THSD4: variants seen among roughly 807,000 people sequenced by gnomAD.
The protein encoded by THSD4 is thrombospondin type 1 domain containing 4.
In THSD4, 69 loss-of-function variants were observed where a neutral mutation model predicts 119.0. That is an observed-to-expected ratio of 0.58 (90% confidence interval 0.48 to 0.71). THSD4 has a LOEUF of 0.71. THSD4 is among the 30% of genes least tolerant of loss of function. THSD4 has a pLI of 0.00. For synonymous variants in THSD4, 524 were observed against 540.4 expected (o/e 0.97, Z 0.42); for missense variants, 1,393 against 1,391.1 (o/e 1.00, Z -0.02).
At chr15:71,537,461 C>T (rs2048702352) in intron 7 of THSD4, among the ~76,000 whole-genome samples, 2 of 152,186 alleles carry the variant, frequency 1.3e-5, no homozygotes, top group Admixed American at 6.5e-5. Flanking sequence ...TACCCCCTTC[C>T]TCTCAAGTCA....
intron 8 of THSD4, among the ~76,000 whole-genome samples, chr15:71,696,805 A>G (rs1009989117): frequency 6.6e-6 from 1 of 152,208 alleles, no homozygotes; most frequent in African/African-American, 2.4e-5. Context: ...CAGGGCTTTG[A>G]GGCAGGCAGA....
chr15:71,372,343 G>A (rs2046064607), intron 6 of THSD4, among the ~76,000 whole-genome samples: 1 of 152,202 alleles, frequency 6.6e-6, no homozygotes, highest in Admixed American at 6.5e-5. Context: ...CCTTTGGAGG[G>A]GGAGAGGCAC....
intron 6 of THSD4, among the ~76,000 whole-genome samples, chr15:71,350,920 CT>C (rs1259380227): frequency 2.0e-5 from 3 of 152,178 alleles, no homozygotes; most frequent in Non-Finnish European, 2.9e-5. Context: ...GTTTTATTAC[CT>C]TTAAGCTGAC....
At chr15:71,181,871 C>A (rs2043532848) in intron 3 of THSD4, among the ~76,000 whole-genome samples, 2 of 152,178 alleles carry the variant, frequency 1.3e-5, no homozygotes, top group African/African-American at 4.8e-5. Flanking sequence ...CCCTCCATCT[C>A]TAGATTGTGA....
intron 8 of THSD4, among the ~76,000 whole-genome samples, chr15:71,711,031 C>A (rs932203163): frequency 1.3e-5 from 2 of 150,566 alleles, no homozygotes; most frequent in African/African-American, 4.9e-5. Flanking sequence ...AAAGTCATAT[C>A]CTCTTAAGTT....
At chr15:71,727,553 AATATATATATATATAT>A (rs869196877) in intron 8 of THSD4, among the ~76,000 whole-genome samples, 2 of 122,830 alleles carry the variant, frequency 1.6e-5, no homozygotes, top group African/African-American at 7.7e-5. Flanking sequence ...AAAAAAAAAA[AATATATATATATATAT>A]ATATATATAT....
intron 6 of THSD4, among the ~76,000 whole-genome samples, chr15:71,346,846 T>A (rs977791037): frequency 2.7e-5 from 4 of 149,366 alleles, no homozygotes; most frequent in Non-Finnish European, 5.9e-5. Context: ...CCGAATAACA[T>A]CATAAGTTTC....
At chr15:71,167,411 T>G (rs2043303925) in intron 3 of THSD4, among the ~76,000 whole-genome samples, 1 of 152,218 alleles carries the variant, frequency 6.6e-6, no homozygotes. Flanking sequence ...GTGAGCTAGA[T>G]TTGGCCCATG....
intron 7 of THSD4, among the ~76,000 whole-genome samples, chr15:71,532,263 T>TGA (rs112859786): frequency 0.1 from 7,178 of 71,656 alleles, 560 homozygotes; most frequent in African/African-American, 0.14. Context: ...CAACAAAGGG[T>TGA]GAGAGAGAGA....
At chr15:71,654,271 C>G (rs992970579) in intron 7 of THSD4, among the ~76,000 whole-genome samples, 2 of 152,332 alleles carry the variant, frequency 1.3e-5, no homozygotes, top group Non-Finnish European at 2.9e-5. Context: ...CTGCCTACCA[C>G]TGAATTGGCA....
At chr15:71,172,698 T>TATATGTGAC in intron 3 of THSD4, among the ~76,000 whole-genome samples, 1 of 96,360 alleles carries the variant, frequency 1.0e-5, no homozygotes, top group Admixed American at 9.1e-5. Context: ...TATATATATA[T>TATATGTGAC]ATATATATAT....
chr15:71,423,656 G>A (rs1486548319), intron 7 of THSD4, among the ~76,000 whole-genome samples: 1 of 152,180 alleles, frequency 6.6e-6, no homozygotes, highest in Non-Finnish European at 1.5e-5. Flanking sequence ...GAGGCGGAGT[G>A]TAAACACTCC....
chr15:71,114,429 T>C (rs560937376), upstream of THSD4, among the ~76,000 whole-genome samples: 13 of 152,318 alleles, frequency 8.5e-5, no homozygotes, highest in South Asian at 2.1e-3. Context: ...ACAGGCTGAC[T>C]GAAATTTAGG....
intron 17 of THSD4, among the ~76,000 whole-genome samples, chr15:71,773,195 T>A (rs2053851886): frequency 1.2e-5 from 1 of 81,710 alleles, no homozygotes; most frequent in African/African-American, 5.1e-5. Context: ...AGTGAGACCA[T>A]GTCTCAAAAA....
At chr15:71,492,228 T>C (rs1047552125) in intron 7 of THSD4, among the ~76,000 whole-genome samples, 1 of 152,188 alleles carries the variant, frequency 6.6e-6, no homozygotes, top group African/African-American at 2.4e-5. Flanking sequence ...TAAGGTAGTA[T>C]GGCTGTTCCT....
At chr15:71,111,375 G>A (rs1207685718), upstream of THSD4, 4 of 1,613,256 alleles carry the variant, frequency 2.5e-6, no homozygotes, top group Non-Finnish European at 3.4e-6. Flanking sequence ...TAGAGAGTCA[G>A]CCCCAGGCAA....
At chr15:71,682,049 G>C (rs1346938612) in intron 8 of THSD4, among the ~76,000 whole-genome samples, 1 of 152,164 alleles carries the variant, frequency 6.6e-6, no homozygotes, top group Non-Finnish European at 1.5e-5. Flanking sequence ...GACCCTTGGA[G>C]CCCCTGTGAA....
At chr15:71,167,460 G>T (rs2043304407) in intron 3 of THSD4, among the ~76,000 whole-genome samples, 1 of 152,238 alleles carries the variant, frequency 6.6e-6, no homozygotes, top group South Asian at 2.1e-4. Flanking sequence ...AGTCAGGATA[G>T]AAAGGTGTTA....
chr15:71,488,453 C>G (rs2140688888), intron 7 of THSD4, among the ~76,000 whole-genome samples: 1 of 152,298 alleles, frequency 6.6e-6, no homozygotes, highest in East Asian at 1.9e-4. Flanking sequence ...CGTTTCCATT[C>G]TATCCTGTGC....
Sources: allele counts gnomAD v4.1 joint callset (sites outside exome capture counted in the v4.1 genomes callset), GRCh38; gene constraint gnomAD v4.1.1; transcripts MANE v1.5; gene names NCBI Gene and HGNC (gene_info 2026-07-23, HGNC 2026-07-21).